Variants in NWD2 observed in about 807,000 individuals in gnomAD.
The protein encoded by NWD2 is NACHT and WD repeat domain containing 2.
In NWD2, 37 loss-of-function variants were observed where a neutral mutation model predicts 132.7. The ratio of observed to expected loss-of-function variants is 0.28; its 90% CI spans 0.21 to 0.37. The LOEUF (loss-of-function observed/expected upper bound fraction) is 0.37, where lower values mean the gene tolerates loss of function less well. Among genes scored for constraint, NWD2 ranks in the 10% least tolerant of loss-of-function variants. The pLI is 1.00. For missense variants in NWD2, 1,592 were observed against 2,122.4 expected, an observed-to-expected ratio of 0.75 and a Z score of 4.91; for synonymous variants, 705 against 803.0, an observed-to-expected ratio of 0.88 and a Z score of 2.06.
rs529524661 is a variant in NWD2, at chr4:37,266,960, G to T, written c.151+21742G>T. ...TTAAAATAGGTGCTAAAAATTCAGA[G>T]AAATTAAGTGCACTATGGAGTTTAA... On this transcript the variant is annotated intron_variant, in intron 1 of 6. Transcript: ENST00000309447. Among the ~76,000 whole-genome samples the T allele has an allele frequency of 1.4e-4, 22 of 152,038 alleles. No homozygotes were observed. The South Asian group carries it at 4.6e-3, about 32-fold the overall frequency.
At chr4:37,274,447 C>T (rs1422427003) in intron 1 of NWD2, among the ~76,000 whole-genome samples, 2 of 152,136 alleles carry the variant, frequency 1.3e-5, no homozygotes, top group Admixed American at 6.5e-5. Flanking sequence ...TAATAGCTTA[C>T]CAACCAAAAA....
intron 3 of NWD2, among the ~76,000 whole-genome samples, chr4:37,371,965 C>G (rs921077122): frequency 1.3e-5 from 2 of 152,202 alleles, no homozygotes; most frequent in African/African-American, 4.8e-5. Flanking sequence ...TTTAGGAGAT[C>G]AAGAAGTCAT....
At chr4:37,354,743 T>C (rs987979760) in intron 2 of NWD2, among the ~76,000 whole-genome samples, 1 of 152,196 alleles carries the variant, frequency 6.6e-6, no homozygotes, top group African/African-American at 2.4e-5. Context: ...GATGGAAAAG[T>C]TCATCTTTTG....
At position 37,446,000 on chromosome 4, in the gene NWD2, G is replaced by C. The variant is rs745950508; in HGVS notation, c.4012G>C (p.Asp1338His). The change falls in exon 7 of 7, where the codon GAT becomes CAT. Residue 1338 changes from aspartate (D) to histidine (H), a missense_variant. By Grantham distance (81) the Asp-to-His change is moderately conservative. Around this residue, in one of 7 missense-constraint regions of NWD2, gnomAD observed 1,071 missense variants for 1,398.0 expected, o/e 0.77. Coordinates refer to ENST00000309447, the MANE Select transcript of NWD2 (RefSeq NM_001144990.2). The surrounding 1 kb of genome is among the most constrained non-coding windows in gnomAD (Gnocchi z 4.7). Reference sequence around the variant, plus strand: ...AATCATTTACTCCCTGGATGGATCCGATTGTGTTCATAAGTGGAACTTCAG... The same window carrying C: ...AATCATTTACTCCCTGGATGGATCCCATTGTGTTCATAAGTGGAACTTCAG... The part of the protein sequence containing the change: ...GEIIYSLDGS[D>H]CVHKWNFSSG... 6.4e-7 allele frequency: 1 copy of C among 1,551,666 alleles called. No individual in the cohort carries two copies. The highest frequency in any genetic ancestry group is 8.7e-7 in the Non-Finnish European group (1 of 1,146,990).
chr4:37,278,065 G>A (rs1234987604), intron 1 of NWD2, among the ~76,000 whole-genome samples: 1 of 151,954 alleles, frequency 6.6e-6, no homozygotes, highest in African/African-American at 2.4e-5. Flanking sequence ...GGTGGTGAGA[G>A]GTCATATTCA....
Position 37,446,126 on chromosome 4 carries a change from A to C in NWD2, c.4138A>C (p.Ser1380Arg). ...DIMVTSDDKS[S>R]QYVWHTSSGE... The stretch of plus-strand genomic sequence containing the variant: ...AATGGTGACATCAGATGACAAAAGC[A>C]GCCAGTATGTCTGGCACACCAGCAG... Residue 1380 changes from serine to arginine, a missense_variant, in exon 7 of 7, where the codon AGC becomes CGC. Coordinates refer to ENST00000309447, the MANE Select transcript of NWD2 (RefSeq NM_001144990.2). This position sits in a 1 kb window ranked among gnomAD's most constrained non-coding sequence, Gnocchi z 6.7. The C allele has an allele frequency of 6.4e-7, 1 of 1,551,760 alleles. No individual in the cohort carries two copies. Among genetic ancestry groups the C allele is most frequent in the Non-Finnish European group, 8.7e-7 (1 of 1,146,946 alleles).
At chr4:37,321,983 A>G (rs1719078399) in intron 1 of NWD2, among the ~76,000 whole-genome samples, 1 of 152,156 alleles carries the variant, frequency 6.6e-6, no homozygotes. Flanking sequence ...CCAACTATCT[A>G]AATACCACCG....
At chr4:37,327,222 T>C (rs1719191877) in intron 2 of NWD2, among the ~76,000 whole-genome samples, 1 of 152,136 alleles carries the variant, frequency 6.6e-6, no homozygotes, top group South Asian at 2.1e-4. Context: ...ATCCCATCTT[T>C]AGGTTTGTTT....
At chr4:37,406,765 G>A (rs563426956) in intron 3 of NWD2, among the ~76,000 whole-genome samples, 78 of 152,106 alleles carry the variant, frequency 5.1e-4, no homozygotes, top group African/African-American at 1.5e-3. Context: ...GTGTGGTGGC[G>A]CATACCTATA....
intron 3 of NWD2, among the ~76,000 whole-genome samples, chr4:37,368,618 C>A (rs1720146535): frequency 6.6e-6 from 1 of 152,122 alleles, no homozygotes; most frequent in South Asian, 2.1e-4. Context: ...TGTTCTGATT[C>A]TGTGTGTCAC....
Position 37,244,930 on chromosome 4 carries a change from G to A in NWD2, c.-138G>A. The A allele has an allele frequency of 1.7e-6, 2 of 1,156,036 alleles. No homozygotes were observed. The highest frequency in any genetic ancestry group is 1.6e-5 in the South Asian group (1 of 61,638). 71.6% of individuals were successfully genotyped at this position (1,156,036 alleles called of 1,614,324 possible). On this transcript the variant is annotated 5_prime_UTR_variant, in exon 1 of 7. Coordinates refer to ENST00000309447, the MANE Select transcript of NWD2 (RefSeq NM_001144990.2). This position sits in a 1 kb window ranked among gnomAD's most constrained non-coding sequence, Gnocchi z 5.5. ...GTGCGCCACGGAGCTCGCCAAAGGC[G>A]CTTCGGGCTCGGAGCGGCTCTGAGC...
intron 6 of NWD2, among the ~76,000 whole-genome samples, chr4:37,442,983 C>A (rs1402611594): frequency 6.6e-6 from 1 of 151,778 alleles, no homozygotes; most frequent in Non-Finnish European, 1.5e-5. Context: ...ATTTATAATT[C>A]ATGAAACACC....
At chr4:37,386,829 G>C (rs779808872) in intron 3 of NWD2, among the ~76,000 whole-genome samples, 1 of 149,378 alleles carries the variant, frequency 6.7e-6, no homozygotes, top group Non-Finnish European at 1.5e-5. Context: ...CGCAAGATCT[G>C]GTTGTGAAAG....
intron 2 of NWD2, among the ~76,000 whole-genome samples, chr4:37,352,540 G>A (rs773916028): frequency 3.3e-5 from 5 of 152,278 alleles, no homozygotes; most frequent in Non-Finnish European, 5.9e-5. Context: ...ATGAATCTGG[G>A]TGCTCCTGTA....
At chr4:37,309,602 G>A (rs1718789055) in intron 1 of NWD2, among the ~76,000 whole-genome samples, 2 of 151,982 alleles carry the variant, frequency 1.3e-5, no homozygotes, top group Admixed American at 6.5e-5. Flanking sequence ...TGGCTGGGGG[G>A]AGGTGGGAAC....
At chr4:37,434,907 A>G (rs1712282651) in intron 5 of NWD2, among the ~76,000 whole-genome samples, 1 of 152,074 alleles carries the variant, frequency 6.6e-6, no homozygotes, top group Non-Finnish European at 1.5e-5. Context: ...GGTGTGGCAC[A>G]AGGGATTTGG....
chr4:37,290,745 CAGAT>C (rs1191811177), intron 1 of NWD2, among the ~76,000 whole-genome samples: 1 of 152,188 alleles, frequency 6.6e-6, no homozygotes, highest in Non-Finnish European at 1.5e-5. Flanking sequence ...TGGGCTCAGT[CAGAT>C]AGGTTCCTAT....
chr4:37,366,436 T>C (rs927202780), intron 3 of NWD2, among the ~76,000 whole-genome samples: 6 of 152,018 alleles, frequency 3.9e-5, no homozygotes, highest in African/African-American at 1.5e-4. Context: ...CAGAATACCA[T>C]GAAAATTACA....
intron 2 of NWD2, among the ~76,000 whole-genome samples, chr4:37,341,759 A>G (rs900110970): frequency 6.6e-6 from 1 of 152,224 alleles, no homozygotes; most frequent in African/African-American, 2.4e-5. Flanking sequence ...GTAAAACAGA[A>G]TATTATTAAT....
Sources: gnomAD v4.1 joint callset for allele counts (sites outside exome capture counted in the v4.1 genomes callset) on GRCh38, gnomAD v4.1.1 for gene constraint, gnomAD v4.1.1 regional missense constraint, Gnocchi (gnomAD v3.1) non-coding constraint, MANE v1.5 for transcripts, NCBI Gene and HGNC (gene_info 2026-07-23, HGNC 2026-07-21) for gene names.